Variants in STAG1 observed in about 807,000 individuals in gnomAD.
STAG1 encodes STAG1 cohesin complex component.
A neutral mutation model predicts 170.9 loss-of-function variants in STAG1; 26 were observed. That is an observed-to-expected ratio of 0.15 (90% CI 0.11 to 0.21). The LOEUF is 0.21. Among genes scored for constraint, STAG1 ranks in the 10% least tolerant of loss-of-function variants. The pLI is 1.00. For synonymous variants in STAG1, 514 were observed against 497.7 expected (o/e 1.03, Z -0.44); for missense variants, 964 against 1,509.5 (o/e 0.64, Z 5.99).
At chr3:136,604,887 T>C (rs1479110314) in intron 3 of STAG1, among the ~76,000 whole-genome samples, 2 of 152,158 alleles carry the variant, frequency 1.3e-5, no homozygotes, top group East Asian at 1.9e-4. Context: ...TGACCTCAAA[T>C]GATTCGCCCA....
At chr3:136,615,508 G>A (rs924481839) in intron 3 of STAG1, among the ~76,000 whole-genome samples, 2 of 151,476 alleles carry the variant, frequency 1.3e-5, no homozygotes, top group Non-Finnish European at 1.5e-5. Flanking sequence ...TGGCCGGTCG[G>A]TGGCTCACGC....
At chr3:136,568,202 T>G (rs1937150569) in intron 5 of STAG1, among the ~76,000 whole-genome samples, 2 of 152,148 alleles carry the variant, frequency 1.3e-5, no homozygotes, top group Non-Finnish European at 2.9e-5. Context: ...CCCCATGTAA[T>G]ACAAATTAAC....
intron 28 of STAG1, among the ~76,000 whole-genome samples, chr3:136,355,199 A>G (rs1936599633): frequency 6.6e-6 from 1 of 151,540 alleles, no homozygotes; most frequent in South Asian, 2.1e-4. Context: ...ATAAAAATAC[A>G]AAATTAGCCA....
At chr3:136,486,790 G>T (rs1470677836) in intron 9 of STAG1, among the ~76,000 whole-genome samples, 2 of 152,056 alleles carry the variant, frequency 1.3e-5, no homozygotes, top group East Asian at 3.8e-4. Context: ...CTGAGATTAT[G>T]AATGGCTGTT....
chr3:136,469,485 C>A (rs960264660), intron 12 of STAG1, among the ~76,000 whole-genome samples: 297 of 140,590 alleles, frequency 2.1e-3, no homozygotes, highest in Admixed American at 3.3e-3. Context: ...AAATAAAAGA[C>A]GACACAAACA....
intron 27 of STAG1, among the ~76,000 whole-genome samples, chr3:136,358,592 A>G (rs564868101): frequency 9.2e-5 from 14 of 152,152 alleles, no homozygotes; most frequent in Non-Finnish European, 1.6e-4. Flanking sequence ...TTATTTTTTC[A>G]GAGTCAGGTT....
chr3:136,440,567 A>G (rs1035901288), intron 15 of STAG1, among the ~76,000 whole-genome samples: 1 of 152,062 alleles, frequency 6.6e-6, no homozygotes, highest in Non-Finnish European at 1.5e-5. Context: ...GCTACAAACA[A>G]GGTAAGGAAA....
At chr3:136,623,313 TTTC>T (rs1178711479) in intron 2 of STAG1, 65 bp from the exon 3 acceptor site, 2 of 1,441,904 alleles carry the variant, frequency 1.4e-6, no homozygotes, top group Non-Finnish European at 1.9e-6. Context: ...GTTTCACTAC[TTTC>T]CTTACCACCT....
intron 32 of STAG1, 25 bp from the exon 33 acceptor site, chr3:136,338,475 AT>A (rs747450011): frequency 2.5e-6 from 4 of 1,577,374 alleles, no homozygotes; most frequent in Admixed American, 1.7e-5. Flanking sequence ...CGGTTTCTTA[AT>A]TTTTTTCTGA....
chr3:136,499,922 A>G (rs1034362189), intron 9 of STAG1: 2 of 184,302 alleles, frequency 1.1e-5, no homozygotes, highest in African/African-American at 4.8e-5. Context: ...GAAAACAAGA[A>G]TATCTTATTA....
intron 1 of STAG1, among the ~76,000 whole-genome samples, chr3:136,660,242 G>T (rs1044347848): frequency 6.6e-6 from 1 of 151,894 alleles, no homozygotes; most frequent in Non-Finnish European, 1.5e-5. Context: ...AGCTACCCAG[G>T]GTTTACCAGT....
intron 21 of STAG1, among the ~76,000 whole-genome samples, chr3:136,409,881 C>A (rs1421458773): frequency 2.0e-5 from 3 of 151,992 alleles, no homozygotes; most frequent in South Asian, 2.1e-4. Flanking sequence ...GGATTCCAGA[C>A]CAGCCTGGGC....
intron 20 of STAG1, among the ~76,000 whole-genome samples, chr3:136,420,201 CG>C (rs1253714793): frequency 2.2e-5 from 3 of 136,342 alleles, no homozygotes; most frequent in East Asian, 4.4e-4. Flanking sequence ...GAGCCGAGAT[CG>C]GGCCACTACA....
At chr3:136,453,230 C>T (rs1011435968) in intron 13 of STAG1, among the ~76,000 whole-genome samples, 2 of 151,938 alleles carry the variant, frequency 1.3e-5, no homozygotes, top group African/African-American at 4.8e-5. Context: ...AACAAAACAT[C>T]TGAAATATGG....
At chr3:136,539,956 A>G (rs1935808774) in intron 6 of STAG1, among the ~76,000 whole-genome samples, 1 of 152,142 alleles carries the variant, frequency 6.6e-6, no homozygotes, top group South Asian at 2.1e-4. Flanking sequence ...TTTTAATAAA[A>G]TTTAAATGAT....
At chr3:136,639,067 T>TCA (rs370462341) in intron 1 of STAG1, among the ~76,000 whole-genome samples, 1,700 of 149,950 alleles carry the variant, frequency 0.011, 9 homozygotes, top group Admixed American at 0.018. Context: ...GAGAGAATGC[T>TCA]CACACACACA....
At position 136,346,022 on chromosome 3, in the gene STAG1, T is replaced by G. The variant is rs115775889; in HGVS notation, c.3272-2016A>C. On this transcript the variant is annotated intron_variant, in intron 29 of 33. Transcript: ENST00000383202. ...TTAAAATTTTATGATAAAAAGATTA[T>G]TATCACTTAAGTTCTGAACCTGGTA... Among the ~76,000 whole-genome samples, 1,000 of 152,362 alleles carry G rather than the reference T, an allele frequency of 6.6e-3. 10 individuals are homozygous for G. The highest frequency in any genetic ancestry group is 0.023 in the African/African-American group (971 of 41,576).
At position 136,389,499 on chromosome 3, in the gene STAG1, T is replaced by A. The variant is rs567268358; in HGVS notation, c.2277+9250A>T. Among the ~76,000 whole-genome samples, 12 of 152,116 alleles carry A rather than the reference T, an allele frequency of 7.9e-5. No individual in the cohort carries two copies. The South Asian group carries it at 2.5e-3, about 32-fold the overall frequency. On this transcript the variant is annotated intron_variant, in intron 22 of 33. Coordinates refer to ENST00000383202, the MANE Select transcript of STAG1 (RefSeq NM_005862.3). ...TAGTAGAGACGGGGTTTCACCATATTGGTCAGGCTGGATTTATTTATTTTT... is the reference window on the plus strand; with the variant it reads ...TAGTAGAGACGGGGTTTCACCATATAGGTCAGGCTGGATTTATTTATTTTT...
In STAG1 at chr3:136,377,685, T is replaced by C. The variant is rs776877864; in HGVS notation, c.2345A>G (p.Asn782Ser). 12 of 1,613,846 alleles carry C rather than the reference T, an allele frequency of 7.4e-6. No homozygotes were observed. Among genetic ancestry groups the C allele is most frequent in the African/African-American group, 1.3e-5 (1 of 74,924 alleles). ...FLAVCQQCLSNVNTPVKEQAF... is the reference protein window; with the variant it reads ...FLAVCQQCLSSVNTPVKEQAF... ...CTGTTCTTTCACTGGAGTATTAACA[T>C]TAGACAGGCACTGCTGGCAAACAGC... The change falls in exon 23 of 34, where the codon AAT becomes AGT. Residue 782 changes from asparagine to serine, a missense_variant. Coordinates refer to ENST00000383202, the MANE Select transcript of STAG1 (RefSeq NM_005862.3).
Sources: gnomAD v4.1 joint callset for allele counts (sites outside exome capture counted in the v4.1 genomes callset) on GRCh38, gnomAD v4.1.1 for gene constraint, MANE v1.5 for transcripts, NCBI Gene and HGNC (gene_info 2026-07-23, HGNC 2026-07-21) for gene names.